Variants in AK4 observed in about 807,000 individuals in gnomAD.
AK4 encodes the protein adenylate kinase 4, mitochondrial.
In AK4, 13 loss-of-function variants were observed where a neutral mutation model predicts 24.6. That is an observed-to-expected ratio of 0.53 (90% CI 0.34 to 0.84). The LOEUF (loss-of-function observed/expected upper bound fraction) is 0.84. Ranked by LOEUF, AK4 falls within the 40% of genes least tolerant of loss-of-function variation. The probability of loss-of-function intolerance (pLI) is 0.01; values close to 1 mark genes in which losing one functional copy is unlikely to be tolerated. For synonymous variants in AK4, 88 were observed against 107.0 expected, an observed-to-expected ratio of 0.82 and a Z score of 1.10; for missense variants, 192 against 288.2, an observed-to-expected ratio of 0.67 and a Z score of 2.42.
intron 1 of AK4, among the ~76,000 whole-genome samples, chr1:65,157,769 A>G (rs1255238317): frequency 1.3e-5 from 2 of 152,138 alleles, no homozygotes; most frequent in Non-Finnish European, 2.9e-5. Flanking sequence ...AGCCTGGGCA[A>G]CAGAGCAAGA....
intron 1 of AK4, among the ~76,000 whole-genome samples, chr1:65,167,039 G>A (rs1484550998): frequency 1.3e-5 from 2 of 152,168 alleles, no homozygotes; most frequent in African/African-American, 4.8e-5. Flanking sequence ...GGCTGAGGCA[G>A]GAAAATCACT....
intron 4 of AK4, among the ~76,000 whole-genome samples, chr1:65,225,637 T>TC (rs1652431165): frequency 1.3e-5 from 2 of 152,008 alleles, no homozygotes; most frequent in Admixed American, 6.6e-5. Context: ...GGCCTTGTAG[T>TC]CCCCCCCAAA....
At chr1:65,154,301 T>G (rs1490464223) in intron 1 of AK4, among the ~76,000 whole-genome samples, 3 of 152,198 alleles carry the variant, frequency 2.0e-5, no homozygotes, top group Non-Finnish European at 4.4e-5. Context: ...CCTAGGGTTT[T>G]GCCCTGAGCG....
At chr1:65,214,154 C>T (rs1362158243) in intron 2 of AK4, among the ~76,000 whole-genome samples, 1 of 152,174 alleles carries the variant, frequency 6.6e-6, no homozygotes, top group Non-Finnish European at 1.5e-5. Context: ...CTCTGTTGCC[C>T]AGGCTGGAGT....
intron 1 of AK4, among the ~76,000 whole-genome samples, chr1:65,188,534 AGTGGC>A (rs1557453184): frequency 1.3e-4 from 20 of 151,800 alleles, no homozygotes; most frequent in African/African-American, 4.8e-4. Flanking sequence ...GTTGGAGTGC[AGTGGC>A]GTGATCTTGG....
At chr1:65,183,658 T>C in intron 1 of AK4, among the ~76,000 whole-genome samples, 1 of 123,470 alleles carries the variant, frequency 8.1e-6, no homozygotes, top group South Asian at 2.4e-4. Flanking sequence ...TCCGTGTGTG[T>C]GTGTGTGTGT....
At chr1:65,200,991 G>A (rs190248191) in intron 2 of AK4, among the ~76,000 whole-genome samples, 3 of 152,082 alleles carry the variant, frequency 2.0e-5, no homozygotes, top group East Asian at 1.9e-4. Flanking sequence ...ACGGGGTTTC[G>A]CCATGTTGGC....
intron 1 of AK4, among the ~76,000 whole-genome samples, chr1:65,163,286 C>T (rs565887181): frequency 1.3e-5 from 2 of 152,362 alleles, no homozygotes; most frequent in East Asian, 3.9e-4. Context: ...AGAAAAACTT[C>T]AGCCAAGTTT....
At chr1:65,172,184 CT>C (rs1650560168) in intron 1 of AK4, among the ~76,000 whole-genome samples, 2 of 147,200 alleles carry the variant, frequency 1.4e-5, no homozygotes, top group South Asian at 4.4e-4. Context: ...TAAAACGTAA[CT>C]TTTGTTTGTT....
chr1:65,157,478 A>T (rs762384436), intron 1 of AK4, among the ~76,000 whole-genome samples: 5 of 152,086 alleles, frequency 3.3e-5, no homozygotes, highest in Non-Finnish European at 7.4e-5. Context: ...CAGGCAAGCA[A>T]ACAAGAAGAA....
intron 1 of AK4, among the ~76,000 whole-genome samples, chr1:65,158,296 T>A (rs1212165108): frequency 6.6e-6 from 1 of 152,218 alleles, no homozygotes; most frequent in Non-Finnish European, 1.5e-5. Context: ...CTGAAAGGCA[T>A]GTTGAATTAC....
chr1:65,204,855 G>A (rs1228050256), intron 2 of AK4, among the ~76,000 whole-genome samples: 1 of 151,898 alleles, frequency 6.6e-6, no homozygotes, highest in African/African-American at 2.4e-5. Context: ...AAAAATTTAG[G>A]TGAATTCTGT....
chr1:65,208,806 CCTA>C (rs1651888287), intron 2 of AK4, among the ~76,000 whole-genome samples: 1 of 152,190 alleles, frequency 6.6e-6, no homozygotes, highest in African/African-American at 2.4e-5. Flanking sequence ...ACAGAAGTGT[CCTA>C]CTTTCTATTC....
chr1:65,220,497 A>T (rs969432301), intron 3 of AK4, among the ~76,000 whole-genome samples: 4 of 152,280 alleles, frequency 2.6e-5, no homozygotes, highest in Non-Finnish European at 5.9e-5. Flanking sequence ...CTTTTCTGAG[A>T]TGGAGTCTCG....
At chr1:65,223,986 C>T (rs994784469) in intron 3 of AK4, among the ~76,000 whole-genome samples, 5 of 147,368 alleles carry the variant, frequency 3.4e-5, no homozygotes, top group Non-Finnish European at 5.9e-5. Context: ...GAGTGAGACT[C>T]CGTCTTAAAA....
At chr1:65,206,245 C>T (rs1570126990) in intron 2 of AK4, among the ~76,000 whole-genome samples, 1 of 152,158 alleles carries the variant, frequency 6.6e-6, no homozygotes, top group East Asian at 1.9e-4. Flanking sequence ...CAGTGCTTGG[C>T]ATATAGTAAA....
intron 3 of AK4, among the ~76,000 whole-genome samples, chr1:65,222,668 T>C (rs1432111281): frequency 1.3e-5 from 2 of 152,242 alleles, no homozygotes; most frequent in Non-Finnish European, 2.9e-5. Flanking sequence ...TCTCTTGTCA[T>C]GTTGGGTTAA....
chr1:65,190,579 A>G lies in AK4; in HGVS notation c.146-131A>G. ...GACGTGAATATTTTAAAAACTTAAAACATGTCTACAACTTCCTAGGAATTT... is the reference window on the plus strand; with the variant it reads ...GACGTGAATATTTTAAAAACTTAAAGCATGTCTACAACTTCCTAGGAATTT... On this transcript the variant is annotated intron_variant, in intron 1 of 4. Coordinates refer to ENST00000327299, the MANE Select transcript of AK4 (RefSeq NM_013410.4). The G allele has an allele frequency of 6.7e-6, 7 of 1,044,904 alleles. No homozygotes were observed. The South Asian group carries it at 1.3e-4, about 19-fold the overall frequency. The allele number at this position is 1,044,904 out of a possible 1,614,324, so 64.7% of individuals were successfully genotyped here. A position where few individuals can be genotyped will look rare whatever the true frequency, so the allele number is the denominator to read the frequency against.
chr1:65,161,097 A>AT (rs906033153), intron 1 of AK4, among the ~76,000 whole-genome samples: 56 of 151,420 alleles, frequency 3.7e-4, no homozygotes, highest in Non-Finnish European at 6.8e-4. Context: ...TCCCTAAAAC[A>AT]TTTTTTTTTA....
Sources: allele counts gnomAD v4.1 joint callset (sites outside exome capture counted in the v4.1 genomes callset), GRCh38; gene constraint gnomAD v4.1.1; transcripts MANE v1.5; gene names NCBI Gene and HGNC (gene_info 2026-07-23, HGNC 2026-07-21).